UBE4B: variants seen among roughly 807,000 people sequenced by gnomAD.
The protein encoded by UBE4B is ubiquitination factor E4B.
UBE4B carries 27 observed loss-of-function variants against 148.1 expected under a neutral mutation model. The ratio of observed to expected loss-of-function variants is 0.18; its 90% CI spans 0.13 to 0.25. The LOEUF is 0.25. Among genes scored for constraint, UBE4B ranks in the 10% least tolerant of loss-of-function variants. UBE4B has a pLI of 1.00. For missense variants in UBE4B, 1,170 were observed against 1,662.4 expected, an observed-to-expected ratio of 0.70 and a Z score of 5.15; for synonymous variants, 596 against 619.3, an observed-to-expected ratio of 0.96 and a Z score of 0.56.
chr1:10,035,900 C>T (rs928935025), intron 1 of UBE4B, among the ~76,000 whole-genome samples: 1 of 148,980 alleles, frequency 6.7e-6, no homozygotes, highest in Non-Finnish European at 1.5e-5. Context: ...CCCGCCACCA[C>T]GCCCGGCTAA....
intron 19 of UBE4B, among the ~76,000 whole-genome samples, chr1:10,147,754 AAT>A (rs1183748539): frequency 6.6e-6 from 1 of 152,154 alleles, no homozygotes; most frequent in Non-Finnish European, 1.5e-5. Flanking sequence ...ATACCCACCT[AAT>A]TCAGAGAGTG....
rs771511584 is a variant in UBE4B, at chr1:10,072,233, C to T, written c.211+19C>T. ...GCATCAGGTAAGCCCAAGCTTCATA[C>T]CTGGGACTCTTTTGTAATTCTTCTT... On this transcript the variant is annotated intron_variant, in intron 2 of 27. Coordinates refer to ENST00000343090, the MANE Select transcript of UBE4B (RefSeq NM_001105562.3). 4 of 1,599,562 alleles carry T rather than the reference C, an allele frequency of 2.5e-6. No homozygotes were observed. The highest frequency in any genetic ancestry group is 2.5e-6 in the Non-Finnish European group (3 of 1,176,548).
At chr1:10,142,034 G>A (rs1374206572) in intron 17 of UBE4B, among the ~76,000 whole-genome samples, 5 of 144,162 alleles carry the variant, frequency 3.5e-5, no homozygotes, top group African/African-American at 8.8e-5. Flanking sequence ...TTTAAAATCT[G>A]AAGCCTGTCA....
intron 8 of UBE4B, among the ~76,000 whole-genome samples, chr1:10,117,946 A>G (rs988036144): frequency 1.3e-5 from 2 of 152,194 alleles, no homozygotes; most frequent in Admixed American, 1.3e-4. Flanking sequence ...GAGCCTCTGT[A>G]GATTGCCAAG....
intron 1 of UBE4B, among the ~76,000 whole-genome samples, chr1:10,071,140 C>G (rs143656762): frequency 6.6e-6 from 1 of 152,120 alleles, no homozygotes; most frequent in Non-Finnish European, 1.5e-5. Context: ...CTCCTGACCT[C>G]GTGATCCTCC....
intron 24 of UBE4B, chr1:10,170,845 T>G (rs1646328937): frequency 4.4e-6 from 1 of 226,650 alleles, no homozygotes; most frequent in African/African-American, 2.3e-5. Context: ...GGAGTGATAC[T>G]TTTTTTAATT....
At chr1:10,173,758 C>T (rs979354283) in intron 25 of UBE4B, among the ~76,000 whole-genome samples, 5 of 152,142 alleles carry the variant, frequency 3.3e-5, no homozygotes, top group Admixed American at 3.3e-4. Context: ...GCGCCCTCTC[C>T]AGGGTGGTTG....
chr1:10,163,654 TG>T (rs1210617817), intron 23 of UBE4B, among the ~76,000 whole-genome samples: 1 of 151,860 alleles, frequency 6.6e-6, no homozygotes, highest in Non-Finnish European at 1.5e-5. Context: ...GGCGACAGAG[TG>T]AGACTCCGTC....
intron 3 of UBE4B, 191 bp from the exon 4 acceptor site, chr1:10,100,917 G>A (rs1196466363): frequency 1.7e-6 from 1 of 575,706 alleles, no homozygotes; most frequent in Non-Finnish European, 3.1e-6. Flanking sequence ...TTTCCAACAT[G>A]TATAAGAGAC....
At position 10,136,290 on chromosome 1, in the gene UBE4B, T is replaced by A. The variant is rs372995397; in HGVS notation, c.2225-777T>A. ...GAGTTCAAGACCAGCCTGGGCAAAA[T>A]AAGGAAACCCCATGTCTACAAAGAA... On this transcript the variant is annotated intron_variant, in intron 16 of 27. Transcript: ENST00000343090. Among the ~76,000 whole-genome samples the A allele has an allele frequency of 1.6e-4, 25 of 151,586 alleles. No individual in the cohort carries two copies. In the East Asian group the frequency reaches 2.3e-3, roughly 14 times the overall value.
At chr1:10,122,250 CAT>C (rs748284132) in intron 10 of UBE4B, among the ~76,000 whole-genome samples, 174 bp downstream of exon 10, 6 of 152,282 alleles carry the variant, frequency 3.9e-5, no homozygotes, top group African/African-American at 1.2e-4. Context: ...TTGTTCAAAT[CAT>C]GTGCCCATTT....
intron 1 of UBE4B, among the ~76,000 whole-genome samples, chr1:10,042,067 TG>T (rs1643791201): frequency 6.6e-6 from 1 of 152,162 alleles, no homozygotes; most frequent in Admixed American, 6.5e-5. Flanking sequence ...CTCGAGTATC[TG>T]GGATTACAGG....
chr1:10,092,576 C>T (rs1243802466), intron 2 of UBE4B, among the ~76,000 whole-genome samples: 1 of 151,678 alleles, frequency 6.6e-6, no homozygotes, highest in African/African-American at 2.4e-5. Context: ...GCCTGTAATC[C>T]TAACACTTTG....
rs1645117596 is a variant in UBE4B, at chr1:10,106,668, ACTGACT to A, written c.1196+89_1196+94del. On this transcript the variant is annotated intron_variant, in intron 7 of 27. Transcript: ENST00000343090. This position sits in a 1 kb window ranked among gnomAD's most constrained non-coding sequence, Gnocchi z 4.2. ...CGGTTTGGAAGAAGTGCTGTGTGAC[ACTGACT>A]CTGTTAAATTGTTGTTTTGGGTTAT... 1.4e-6 allele frequency: 2 copies of A among 1,456,856 alleles called. No individual in the cohort carries two copies. The highest frequency in any genetic ancestry group is 2.4e-5 in the East Asian group (1 of 41,944). The allele number at this position is 1,456,856 out of a possible 1,614,324, so 90.2% of individuals were successfully genotyped here.
At chr1:10,118,071 G>T (rs191745450) in intron 8 of UBE4B, among the ~76,000 whole-genome samples, 7 of 152,286 alleles carry the variant, frequency 4.6e-5, no homozygotes, top group African/African-American at 1.4e-4. Context: ...GACTCTCAGA[G>T]AGATTAAGTA....
In UBE4B at chr1:10,117,605, T is replaced by C. The variant is rs1164013611; in HGVS notation, c.1338+5T>C. On this transcript the variant is annotated splice_donor_5th_base_variant and intron_variant, in intron 8 of 27. Transcript: ENST00000343090. ...GAGGAAAAAAAAGCACCAAAGGTAA[T>C]ATGAAATGGATTAACTTAAAAAAAA... 1.0e-5 allele frequency: 16 copies of C among 1,569,916 alleles called. No individual in the cohort carries two copies. The highest frequency in any genetic ancestry group is 1.4e-5 in the Non-Finnish European group (16 of 1,166,376).
intron 21 of UBE4B, among the ~76,000 whole-genome samples, chr1:10,151,890 T>TA (rs1645981021): frequency 6.6e-6 from 1 of 152,108 alleles, no homozygotes; most frequent in Admixed American, 6.6e-5. Context: ...CCTTTGAACT[T>TA]ACAGCATTTG....
chr1:10,055,732 C>T (rs913536366), intron 1 of UBE4B, among the ~76,000 whole-genome samples: 1 of 152,062 alleles, frequency 6.6e-6, no homozygotes, highest in Non-Finnish European at 1.5e-5. Flanking sequence ...CCAGCCTGGT[C>T]AACATGGTGA....
intron 1 of UBE4B, among the ~76,000 whole-genome samples, chr1:10,051,818 T>A (rs559895036): frequency 6.6e-6 from 1 of 152,324 alleles, no homozygotes; most frequent in Admixed American, 6.5e-5. Flanking sequence ...CTGAAAGAAT[T>A]GTACCCCTCC....
Sources: gnomAD v4.1 joint callset for allele counts (sites outside exome capture counted in the v4.1 genomes callset) on GRCh38, gnomAD v4.1.1 for gene constraint, Gnocchi (gnomAD v3.1) non-coding constraint, MANE v1.5 for transcripts, NCBI Gene and HGNC (gene_info 2026-07-23, HGNC 2026-07-21) for gene names.